Variants in SNPH observed in about 807,000 individuals in gnomAD.
SNPH encodes the protein syntaphilin.
A neutral mutation model predicts 36.8 loss-of-function variants in SNPH; 10 were observed. That is an observed-to-expected ratio of 0.27 (90% CI 0.17 to 0.46). SNPH has a LOEUF of 0.46. Among genes scored for constraint, SNPH ranks in the 20% least tolerant of loss-of-function variants. The pLI is 1.00. For missense variants in SNPH, 622 were observed against 744.0 expected (o/e 0.84, Z 1.91); for synonymous variants, 281 against 312.2 (o/e 0.90, Z 1.05).
intron 5 of SNPH, among the ~76,000 whole-genome samples, chr20:1,299,679 A>G (rs993086989): frequency 6.6e-6 from 1 of 152,214 alleles, no homozygotes; most frequent in Admixed American, 6.5e-5. Flanking sequence ...GTCCCTGCCC[A>G]GAGCCGGCAG....
Position 1,266,735 on chromosome 20 carries a change from G to A in SNPH, c.-518G>A. The A allele has an allele frequency of 7.1e-7, 1 of 1,399,376 alleles. No homozygotes were observed. The highest frequency in any genetic ancestry group is 9.3e-7 in the Non-Finnish European group (1 of 1,080,706). The allele number at this position is 1,399,376 out of a possible 1,614,324, so 86.7% of individuals were successfully genotyped here. ...CGGGCCGGAGTGGTGCGAGCCGGCG[G>A]GGCTGCGGAGGGCCAGTGGACTCAG... On this transcript the variant is annotated 5_prime_UTR_variant, in exon 2 of 7. Transcript: ENST00000381867. This position sits in a 1 kb window ranked among gnomAD's most constrained non-coding sequence, Gnocchi z 6.0.
intron 2 of SNPH, among the ~76,000 whole-genome samples, chr20:1,278,081 T>A (rs1467020088): frequency 7.5e-6 from 1 of 133,702 alleles, no homozygotes; most frequent in Non-Finnish European, 1.6e-5. Flanking sequence ...TCTGTGTGTG[T>A]CTCTGTGTGT....
Position 1,266,620 on chromosome 20 carries a change from C to T in SNPH, c.-599-34C>T, listed in dbSNP as rs2088007397. ...TGGGTGTTCCCCGCCCGCGCTCACC[C>T]GCCCCGGTCTATCTCTTTTTCCTAA... On this transcript the variant is annotated intron_variant, in intron 1 of 6. Coordinates refer to ENST00000381867, the MANE Select transcript of SNPH (RefSeq NM_001318234.2). This position sits in a 1 kb window ranked among gnomAD's most constrained non-coding sequence, Gnocchi z 6.0. 2 of 1,466,754 alleles carry T rather than the reference C, an allele frequency of 1.4e-6. No homozygotes were observed. Among genetic ancestry groups the T allele is most frequent in the Non-Finnish European group, 1.8e-6 (2 of 1,112,644 alleles). 90.9% of individuals were successfully genotyped at this position (1,466,754 alleles called of 1,614,324 possible). A position where few individuals can be genotyped will look rare whatever the true frequency, so the allele number is the denominator to read the frequency against.
rs1466889158 is a variant in SNPH at position 1,266,840 on chromosome 20, C to A, written c.-493+80C>A. On this transcript the variant is annotated intron_variant, in intron 2 of 6. Coordinates refer to ENST00000381867, the MANE Select transcript of SNPH (RefSeq NM_001318234.2). The surrounding 1 kb of genome is among the most constrained non-coding windows in gnomAD (Gnocchi z 6.0). ...GGGGGCCGCTTGCAACCGCTCGCTG[C>A]GGTAGAATCCCTTGGAGGGCACCAG... The A allele has an allele frequency of 1.5e-6, 2 of 1,301,764 alleles. No individual in the cohort carries two copies. Among genetic ancestry groups the A allele is most frequent in the Non-Finnish European group, 1.9e-6 (2 of 1,025,928 alleles). 80.6% of individuals were successfully genotyped at this position (1,301,764 alleles called of 1,614,324 possible).
chr20:1,277,634 G>GTT (rs140433163), intron 2 of SNPH, among the ~76,000 whole-genome samples: 1 of 147,578 alleles, frequency 6.8e-6, no homozygotes, highest in Non-Finnish European at 1.5e-5. Context: ...CTGTGTGTGT[G>GTT]TGTCTGTGCC....
At chr20:1,300,360 T>C (rs3795141) in intron 5 of SNPH, among the ~76,000 whole-genome samples, 58,945 of 151,760 alleles carry the variant, frequency 0.39, 11,537 homozygotes, top group Middle Eastern at 0.57. Context: ...CTTCCTGACA[T>C]GATGGTCTTC....
At position 1,305,458 on chromosome 20, in the gene SNPH, C is replaced by G. The variant is rs116600545; in HGVS notation, c.1021C>G (p.Leu341Val). The change falls in exon 7 of 7, where the codon CTG becomes GTG. Residue 341 changes from leucine to valine, a missense_variant. By Grantham distance (32) the Leu-to-Val change is conservative (BLOSUM62 1). Transcript: ENST00000381867. ...FPASNTYEKLLCGMEAGVQAS... is the reference protein window; with the variant it reads ...FPASNTYEKLVCGMEAGVQAS... ...TGCCAGCAACACCTATGAGAAGCTG[C>G]TGTGTGGCATGGAGGCTGGTGTGCA... The G allele has an allele frequency of 4.5e-5, 72 of 1,613,284 alleles. No individual in the cohort carries two copies. In the African/African-American group the frequency reaches 9.2e-4, roughly 21 times the overall value.
rs2088006126 is a variant in SNPH, at chr20:1,266,541, C to T, written c.-599-113C>T. On this transcript the variant is annotated intron_variant, in intron 1 of 6. Coordinates refer to ENST00000381867, the MANE Select transcript of SNPH (RefSeq NM_001318234.2). The surrounding 1 kb of genome is among the most constrained non-coding windows in gnomAD (Gnocchi z 6.0). Reference sequence around the variant, plus strand: ...GAGCACCCGGCAGGCAGCCTGCCCTCCAAGCCTTCTGGCTGCAGCGGCCCA... The same window carrying T: ...GAGCACCCGGCAGGCAGCCTGCCCTTCAAGCCTTCTGGCTGCAGCGGCCCA... 11 of 1,361,450 alleles carry T rather than the reference C, an allele frequency of 8.1e-6. No individual in the cohort carries two copies. The highest frequency in any genetic ancestry group is 1.0e-5 in the Non-Finnish European group (11 of 1,056,348). The allele number at this position is 1,361,450 out of a possible 1,614,324, so 84.3% of individuals were successfully genotyped here.
rs181883538 is a variant in SNPH, at chr20:1,286,139, T to C, written c.-492-8812T>C. On this transcript the variant is annotated intron_variant, in intron 2 of 6. Transcript: ENST00000381867. Reference sequence around the variant, plus strand: ...GATAAAGGGCCTTTAAAATAGGACATAGTAGTTTGTAGAATCTCCCTTTTA... The same window carrying C: ...GATAAAGGGCCTTTAAAATAGGACACAGTAGTTTGTAGAATCTCCCTTTTA... Among the ~76,000 whole-genome samples, 207 of 134,960 alleles carry C rather than the reference T, an allele frequency of 1.5e-3. 1 individual carries two copies. The highest frequency in any genetic ancestry group is 5.5e-3 in the African/African-American group (200 of 36,376). The allele number at this position is 134,960 out of a possible 152,430, so 88.5% of individuals were successfully genotyped here.
intron 2 of SNPH, among the ~76,000 whole-genome samples, chr20:1,289,394 G>C (rs2088323179): frequency 6.6e-6 from 1 of 152,180 alleles, no homozygotes; most frequent in Non-Finnish European, 1.5e-5. Context: ...AAGTCAGGTA[G>C]AGGGGGGGCA....
chr20:1,287,637 T>C (rs934642508), intron 2 of SNPH, among the ~76,000 whole-genome samples: 3 of 152,208 alleles, frequency 2.0e-5, no homozygotes, highest in African/African-American at 7.2e-5. Flanking sequence ...TTAGTCCCTG[T>C]TGGTACCTGG....
At chr20:1,303,086 C>T (rs937428787) in intron 6 of SNPH, among the ~76,000 whole-genome samples, 30 of 152,226 alleles carry the variant, frequency 2.0e-4, no homozygotes, top group African/African-American at 7.2e-4. Flanking sequence ...CCCACAGGAA[C>T]CCATTGCAGG....
At chr20:1,283,232 C>T (rs2088246646) in intron 2 of SNPH, among the ~76,000 whole-genome samples, 1 of 152,206 alleles carries the variant, frequency 6.6e-6, no homozygotes, top group Non-Finnish European at 1.5e-5. Flanking sequence ...AGGCTGCATT[C>T]TCAGCCTCCT....
At chr20:1,287,234 A>T (rs562343181) in intron 2 of SNPH, among the ~76,000 whole-genome samples, 152 of 152,032 alleles carry the variant, frequency 1.0e-3, no homozygotes, top group Admixed American at 1.6e-3. Flanking sequence ...TATTGCCACC[A>T]TGTATTTGTG....
chr20:1,269,268 G>T (rs1302261304), intron 2 of SNPH, among the ~76,000 whole-genome samples: 1 of 152,180 alleles, frequency 6.6e-6, no homozygotes, highest in Non-Finnish European at 1.5e-5. Flanking sequence ...GACCCCTTCT[G>T]CTTCTGACAT....
Position 1,285,906 on chromosome 20 carries a change from C to G in SNPH, c.-492-9045C>G, listed in dbSNP as rs933631449. Among the ~76,000 whole-genome samples, 4 of 151,888 alleles carry G rather than the reference C, an allele frequency of 2.6e-5. No individual in the cohort carries two copies. Among genetic ancestry groups the G allele is most frequent in the African/African-American group, 9.7e-5 (4 of 41,312 alleles). On this transcript the variant is annotated intron_variant, in intron 2 of 6. Coordinates refer to ENST00000381867, the MANE Select transcript of SNPH (RefSeq NM_001318234.2). This position sits in a 1 kb window ranked among gnomAD's most constrained non-coding sequence, Gnocchi z 4.9. ...GGTCAGGAGTTTGAGACCATCCTGG[C>G]CAATATGGTGAAACCCCGTCTCTAC...
intron 2 of SNPH, among the ~76,000 whole-genome samples, chr20:1,284,434 A>G (rs1441537931): frequency 1.3e-5 from 2 of 152,212 alleles, no homozygotes; most frequent in Non-Finnish European, 2.9e-5. Flanking sequence ...ATGGGCATCC[A>G]TCCTTACCTC....
intron 2 of SNPH, among the ~76,000 whole-genome samples, chr20:1,290,184 C>T (rs965915650): frequency 6.7e-6 from 1 of 148,326 alleles, no homozygotes; most frequent in African/African-American, 2.5e-5. Context: ...TGCACTCTAG[C>T]CTGGGCGACA....
chr20:1,305,460 G>C lies in SNPH; in HGVS notation c.1023G>C (p.Leu341=), dbSNP rs1477383821. 1 of 1,613,302 alleles carries C rather than the reference G, an allele frequency of 6.2e-7. No homozygotes were observed. Among genetic ancestry groups the C allele is most frequent in the Admixed American group, 1.7e-5 (1 of 60,036 alleles). Residue 341 remains leucine (L), a synonymous_variant, in exon 7 of 7, where the codon CTG becomes CTC. Transcript: ENST00000381867. The stretch of plus-strand genomic sequence containing the variant: ...CCAGCAACACCTATGAGAAGCTGCT[G>C]TGTGGCATGGAGGCTGGTGTGCAGG... ...FPASNTYEKL[L]CGMEAGVQAS... is the part of the protein sequence containing the mutation.
Sources: gnomAD v4.1 joint callset for allele counts (sites outside exome capture counted in the v4.1 genomes callset) on GRCh38, gnomAD v4.1.1 for gene constraint, Gnocchi (gnomAD v3.1) non-coding constraint, MANE v1.5 for transcripts, NCBI Gene and HGNC (gene_info 2026-07-23, HGNC 2026-07-21) for gene names.